The following ADGRG2 variants were observed in gnomAD, a reference collection of about 807,000 sequenced individuals.
ADGRG2 encodes the protein G protein-coupled receptor 64.
A neutral mutation model predicts 74.1 loss-of-function variants in ADGRG2; 26 were observed. The ratio of observed to expected loss-of-function variants is 0.35; its 90% CI spans 0.26 to 0.49. The LOEUF is 0.49. ADGRG2 is among the 20% of genes least tolerant of loss of function. The pLI, the probability that ADGRG2 is intolerant of heterozygous loss-of-function variation, is 0.99. For missense variants in ADGRG2, 619 were observed against 763.1 expected, an observed-to-expected ratio of 0.81 and a Z score of 2.22; for synonymous variants, 296 against 295.2, an observed-to-expected ratio of 1.00 and a Z score of -0.03.
At chrX:19,066,097 C>T (rs2061564282) in intron 3 of ADGRG2, among the ~76,000 whole-genome samples, 1 of 112,458 alleles carries the variant, frequency 8.9e-6, no homozygotes, top group South Asian at 3.6e-4. Context: ...ATCCACCCGC[C>T]TCGGCCTCCC....
chrX:19,040,890 CCACT>C (rs1464830539), intron 3 of ADGRG2, among the ~76,000 whole-genome samples: 2 of 111,006 alleles, frequency 1.8e-5, no homozygotes, highest in African/African-American at 6.5e-5. Flanking sequence ...TATAATTTCA[CCACT>C]CAGAGAAAAA....
At position 18,989,380 on chromosome X, in the gene ADGRG2, TA is replaced by T. The variant is rs2059888095; in HGVS notation, c.*1483del. ...TTTTAACATATAAATACAAGAAAAT[TA>T]AATAAATCAGAAAAGAAATATTGCA... On this transcript the variant is annotated 3_prime_UTR_variant, in exon 29 of 29. Coordinates refer to ENST00000379869, the MANE Select transcript of ADGRG2 (RefSeq NM_001079858.3). The T allele has an allele frequency of 8.9e-6, 1 of 112,759 alleles. No homozygotes were observed. Among genetic ancestry groups the T allele is most frequent in the African/African-American group, 3.2e-5 (1 of 30,994 alleles). 9.3% of individuals were successfully genotyped at this position (112,759 alleles called of 1,213,427 possible). A position where few individuals can be genotyped will look rare whatever the true frequency, so the allele number is the denominator to read the frequency against.
At chrX:19,095,592 A>T (rs745837808) in intron 1 of ADGRG2, among the ~76,000 whole-genome samples, 2 of 112,558 alleles carry the variant, frequency 1.8e-5, no homozygotes, top group African/African-American at 6.4e-5. Context: ...TTATTAGTGA[A>T]ACTGGTAACT....
chrX:19,059,095 A>G (rs956668782), intron 3 of ADGRG2, among the ~76,000 whole-genome samples: 1 of 111,477 alleles, frequency 9.0e-6, no homozygotes, highest in Non-Finnish European at 1.9e-5. Context: ...AGATGGGAGG[A>G]TGGCTTGAGC....
At position 18,996,017 on chromosome X, in the gene ADGRG2, T is replaced by C. The variant is rs746271977; in HGVS notation, c.2716+34A>G. On this transcript the variant is annotated intron_variant, in intron 27 of 28. Coordinates refer to ENST00000379869, the MANE Select transcript of ADGRG2 (RefSeq NM_001079858.3). ...TTTATACAATCTTTTCCTTGAGATT[T>C]AAGAGGAAGAGAAAAAGTGAGGTAA... 3 of 704,320 alleles carry C rather than the reference T, an allele frequency of 4.3e-6. No individual in the cohort carries two copies. The African/African-American group carries it at 6.4e-5, about 15-fold the overall frequency. 58.0% of individuals were successfully genotyped at this position (704,320 alleles called of 1,213,427 possible).
chrX:19,070,116 C>A (rs931674417), intron 2 of ADGRG2, among the ~76,000 whole-genome samples: 1 of 112,216 alleles, frequency 8.9e-6, no homozygotes, highest in Non-Finnish European at 1.9e-5. Context: ...CCCCCTCCCA[C>A]GAGGGGTTGA....
chrX:19,120,346 C>T (rs1350640817), intron 1 of ADGRG2, among the ~76,000 whole-genome samples: 1 of 112,211 alleles, frequency 8.9e-6, no homozygotes, highest in Admixed American at 9.5e-5. Flanking sequence ...GAAAATAACA[C>T]ACAACTTGTC....
At chrX:19,087,449 T>G (rs749559472) in intron 1 of ADGRG2, among the ~76,000 whole-genome samples, 1 of 111,394 alleles carries the variant, frequency 9.0e-6, no homozygotes, top group South Asian at 3.8e-4. Context: ...TGTGGGGAAA[T>G]GGATCCAGGA....
At chrX:19,099,452 C>G (rs73447632) in intron 1 of ADGRG2, among the ~76,000 whole-genome samples, 1,958 of 112,017 alleles carry the variant, frequency 0.017, 45 homozygotes, top group African/African-American at 0.06. Context: ...GCTGCCTTGG[C>G]AAAACCAAGA....
At chrX:19,100,631 C>T (rs186929928) in intron 1 of ADGRG2, among the ~76,000 whole-genome samples, 27 of 113,726 alleles carry the variant, frequency 2.4e-4, no homozygotes, top group African/African-American at 6.4e-4. Flanking sequence ...GCTTCACTCA[C>T]TGGAAGATAA....
In ADGRG2 at chrX:19,013,791, T is replaced by C. The variant is rs2060407900; in HGVS notation, c.994A>G (p.Thr332Ala). The C allele has an allele frequency of 8.4e-7, 1 of 1,196,292 alleles. No homozygotes were observed. The stretch of plus-strand genomic sequence containing the variant: ...GGAGGTGGGGTGCCGGAGACATGGG[T>C]TTGGGGCATAGGGGAAGAGATCGTT... ...SETISSPMPQTHVSGTPPPVK... is the reference protein window; with the variant it reads ...SETISSPMPQAHVSGTPPPVK... Residue 332 changes from threonine (T) to alanine (A), a missense_variant, in exon 16 of 29, where the codon ACC (threonine) becomes GCC (alanine). By Grantham distance (58) the Thr-to-Ala change is moderately conservative. Transcript: ENST00000379869.
intron 4 of ADGRG2, 114 bp from the exon 5 acceptor site, chrX:19,037,750 A>C (rs1279289763): frequency 4.0e-6 from 2 of 497,590 alleles, no homozygotes; most frequent in Non-Finnish European, 6.6e-6. Flanking sequence ...ACACTAGCAG[A>C]CCAAGTTGTA....
At chrX:19,116,039 G>A (rs1439791897) in intron 1 of ADGRG2, among the ~76,000 whole-genome samples, 3 of 110,317 alleles carry the variant, frequency 2.7e-5, no homozygotes, top group Non-Finnish European at 3.8e-5. Flanking sequence ...GGGAGACCCC[G>A]TCACTACAAA....
chrX:19,065,098 C>T (rs2061544471), intron 3 of ADGRG2, among the ~76,000 whole-genome samples: 1 of 107,378 alleles, frequency 9.3e-6, no homozygotes, highest in Non-Finnish European at 1.9e-5. Flanking sequence ...AGCGAGACCC[C>T]ATCTCTACAA....
chrX:19,017,460 A>G (rs1003056614), intron 15 of ADGRG2, among the ~76,000 whole-genome samples: 11 of 111,436 alleles, frequency 9.9e-5, no homozygotes, highest in Non-Finnish European at 1.3e-4. Context: ...CTTCTTAACC[A>G]CTAGGGGCAG....
chrX:19,027,539 C>T, intron 10 of ADGRG2, among the ~76,000 whole-genome samples: 1 of 112,657 alleles, frequency 8.9e-6, no homozygotes, highest in East Asian at 2.8e-4. Flanking sequence ...TATTCTAAGT[C>T]AGCAGCTCTG....
At chrX:19,015,015 G>T (rs1038723242) in intron 15 of ADGRG2, among the ~76,000 whole-genome samples, 1 of 111,570 alleles carries the variant, frequency 9.0e-6, no homozygotes, top group African/African-American at 3.3e-5. Context: ...TTGGGATGGG[G>T]CATATGTATT....
At chrX:19,103,276 C>A (rs182095117) in intron 1 of ADGRG2, among the ~76,000 whole-genome samples, 1 of 111,782 alleles carries the variant, frequency 8.9e-6, no homozygotes, top group East Asian at 2.8e-4. Flanking sequence ...TGACGGTTTA[C>A]AAATGCCATG....
At chrX:19,043,363 T>C (rs1165875325) in intron 3 of ADGRG2, among the ~76,000 whole-genome samples, 8 of 111,573 alleles carry the variant, frequency 7.2e-5, no homozygotes, top group African/African-American at 2.6e-4. Flanking sequence ...TGTTACAACT[T>C]AAAGAGGTGG....
Sources: allele counts gnomAD v4.1 joint callset (sites outside exome capture counted in the v4.1 genomes callset), GRCh38; gene constraint gnomAD v4.1.1; transcripts MANE v1.5; gene names NCBI Gene and HGNC (gene_info 2026-07-23, HGNC 2026-07-21).